Variants in SLC49A4 observed in about 807,000 individuals in gnomAD.
SLC49A4 encodes solute carrier family 49 member 4, also known as disrupted in renal cancer protein 2.
SLC49A4 carries 36 observed loss-of-function variants against 50.6 expected under a neutral mutation model. The ratio of observed to expected loss-of-function variants is 0.71; its 90% confidence interval spans 0.55 to 0.94. The LOEUF (loss-of-function observed/expected upper bound fraction) is 0.94. SLC49A4 is among the 40% of genes least tolerant of loss of function. The pLI is 0.00. For missense variants in SLC49A4, 503 were observed against 605.7 expected, an observed-to-expected ratio of 0.83 and a Z score of 1.78; for synonymous variants, 248 against 241.2, an observed-to-expected ratio of 1.03 and a Z score of -0.26.
intron 5 of SLC49A4, among the ~76,000 whole-genome samples, chr3:122,846,361 G>A (rs1289962467): frequency 6.6e-6 from 1 of 152,020 alleles, no homozygotes; most frequent in Non-Finnish European, 1.5e-5. Context: ...GAGAAATTTT[G>A]AGAGGTAAAT....
At chr3:122,868,190 G>C (rs1436940759) in intron 7 of SLC49A4, among the ~76,000 whole-genome samples, 2 of 152,104 alleles carry the variant, frequency 1.3e-5, no homozygotes, top group Admixed American at 6.6e-5. Flanking sequence ...ACGGGCACAA[G>C]GGTGGGGAGG....
Position 122,872,407 on chromosome 3 carries a change from T to C in SLC49A4, c.1139-8T>C. 4 of 1,600,710 alleles carry C rather than the reference T, an allele frequency of 2.5e-6. No homozygotes were observed. Among genetic ancestry groups the C allele is most frequent in the East Asian group, 2.2e-5 (1 of 44,738 alleles). ...TGTGAAACTAAAATGTTTGTGTTTT[T>C]ATTTTAGTGACATTGTATGCCTCCT... On this transcript the variant is annotated splice_polypyrimidine_tract_variant and splice_region_variant and intron_variant, in intron 7 of 8. Transcript: ENST00000261038.
At chr3:122,816,286 A>G (rs1476049221) in intron 2 of SLC49A4, among the ~76,000 whole-genome samples, 10 of 151,692 alleles carry the variant, frequency 6.6e-5, no homozygotes, top group Non-Finnish European at 1.2e-4. Flanking sequence ...GGGCAGAGAA[A>G]CTCCCTTAGC....
intron 2 of SLC49A4, among the ~76,000 whole-genome samples, chr3:122,821,209 T>A (rs1049244888): frequency 3.3e-5 from 5 of 152,198 alleles, no homozygotes; most frequent in Admixed American, 6.5e-5. Context: ...CTTTATAAAT[T>A]ACTCAGTCTC....
intron 6 of SLC49A4, among the ~76,000 whole-genome samples, chr3:122,857,432 C>G (rs187564291): frequency 3.9e-5 from 6 of 152,066 alleles, no homozygotes; most frequent in African/African-American, 1.4e-4. Context: ...ATTAGGCAAT[C>G]AACTTTACCA....
At chr3:122,869,206 GTC>G (rs1937161690) in intron 7 of SLC49A4, among the ~76,000 whole-genome samples, 1 of 149,438 alleles carries the variant, frequency 6.7e-6, no homozygotes, top group Non-Finnish European at 1.5e-5. Context: ...AGAGTGAAAA[GTC>G]TCTACTCTCC....
At chr3:122,823,972 G>C (rs1936487053) in intron 2 of SLC49A4, among the ~76,000 whole-genome samples, 1 of 152,144 alleles carries the variant, frequency 6.6e-6, no homozygotes, top group African/African-American at 2.4e-5. Flanking sequence ...GCTGAACCCT[G>C]AGGGACGCTA....
rs1417639874 is a variant in SLC49A4 at position 122,795,123 on chromosome 3, A to G, written c.-70A>G. 5.5e-6 allele frequency: 7 copies of G among 1,283,226 alleles called. No individual in the cohort carries two copies. The highest frequency in any genetic ancestry group is 2.9e-5 in the South Asian group (1 of 34,578). 79.5% of individuals were successfully genotyped at this position (1,283,226 alleles called of 1,614,324 possible). On this transcript the variant is annotated 5_prime_UTR_variant, in exon 1 of 9. Transcript: ENST00000261038. ...CCTCCGCCTCCTGCTGCTCAGGACT[A>G]TTCTGCGCTGGGCTAGTCGGCGGTG... is the stretch of plus-strand genomic sequence containing the variant.
chr3:122,818,083 A>C (rs367636971), intron 2 of SLC49A4, among the ~76,000 whole-genome samples: 1 of 152,202 alleles, frequency 6.6e-6, no homozygotes, highest in South Asian at 2.1e-4. Context: ...TAATATTCAC[A>C]TACAAAGATT....
At chr3:122,810,730 A>G (rs764314903) in intron 2 of SLC49A4, among the ~76,000 whole-genome samples, 10 of 152,248 alleles carry the variant, frequency 6.6e-5, no homozygotes, top group Non-Finnish European at 1.2e-4. Flanking sequence ...ACCAACATGT[A>G]TTAAATAGTT....
At chr3:122,878,971 AT>A (rs1011836709) in intron 8 of SLC49A4, among the ~76,000 whole-genome samples, 1 of 152,054 alleles carries the variant, frequency 6.6e-6, no homozygotes, top group Non-Finnish European at 1.5e-5. Flanking sequence ...AAGGTGATTG[AT>A]TTTTTTTCTT....
intron 2 of SLC49A4, among the ~76,000 whole-genome samples, chr3:122,811,181 TC>T (rs1195910657): frequency 3.9e-5 from 6 of 152,302 alleles, no homozygotes; most frequent in African/African-American, 1.4e-4. Flanking sequence ...AATGAGTAAT[TC>T]CTTAGTTCTT....
At position 122,795,156 on chromosome 3, in the gene SLC49A4, C is replaced by T; in HGVS notation, c.-37C>T. On this transcript the variant is annotated 5_prime_UTR_variant, in exon 1 of 9. Coordinates refer to ENST00000261038, the MANE Select transcript of SLC49A4 (RefSeq NM_032839.3). Reference sequence around the variant, plus strand: ...CTGGGCTAGTCGGCGGTGACCCGGACTGCGCCCGGCAGTGGCTTCGCGGGC... The same window carrying T: ...CTGGGCTAGTCGGCGGTGACCCGGATTGCGCCCGGCAGTGGCTTCGCGGGC... 7.6e-7 allele frequency: 1 copy of T among 1,308,482 alleles called. No individual in the cohort carries two copies. The highest frequency in any genetic ancestry group is 1.5e-5 in the African/African-American group (1 of 64,580). The allele number at this position is 1,308,482 out of a possible 1,614,324, so 81.1% of individuals were successfully genotyped here.
chr3:122,835,519 A>C (rs2107569123), intron 4 of SLC49A4, among the ~76,000 whole-genome samples: 1 of 152,310 alleles, frequency 6.6e-6, no homozygotes, highest in Admixed American at 6.5e-5. Flanking sequence ...AAACAGTATG[A>C]TCATAATAGA....
intron 7 of SLC49A4, among the ~76,000 whole-genome samples, chr3:122,868,569 T>A (rs1289057110): frequency 6.6e-6 from 1 of 152,186 alleles, no homozygotes; most frequent in Non-Finnish European, 1.5e-5. Context: ...CAAATGGAAG[T>A]CAAATTCAGA....
intron 4 of SLC49A4, among the ~76,000 whole-genome samples, chr3:122,837,247 A>T (rs1284826856): frequency 2.0e-5 from 3 of 152,114 alleles, no homozygotes; most frequent in African/African-American, 7.2e-5. Flanking sequence ...AGAGCCCGCA[A>T]TGCCCAGTCA....
intron 2 of SLC49A4, among the ~76,000 whole-genome samples, chr3:122,816,226 C>A (rs1258227025): frequency 1.3e-5 from 2 of 152,152 alleles, no homozygotes; most frequent in Non-Finnish European, 2.9e-5. Flanking sequence ...TCAGAAGCAA[C>A]CTGAGGCTTC....
At chr3:122,836,951 C>G (rs1477191132) in intron 4 of SLC49A4, among the ~76,000 whole-genome samples, 3 of 152,172 alleles carry the variant, frequency 2.0e-5, no homozygotes, top group Non-Finnish European at 4.4e-5. Context: ...TGAGTGAACT[C>G]CCATTCACAA....
chr3:122,838,449 C>T (rs1402312026), intron 4 of SLC49A4, among the ~76,000 whole-genome samples: 1 of 150,184 alleles, frequency 6.7e-6, no homozygotes, highest in African/African-American at 2.5e-5. Flanking sequence ...AGCAAACTGT[C>T]ACAAGGACAA....
Sources: allele counts gnomAD v4.1 joint callset (sites outside exome capture counted in the v4.1 genomes callset), GRCh38; gene constraint gnomAD v4.1.1; transcripts MANE v1.5; gene names NCBI Gene and HGNC (gene_info 2026-07-23, HGNC 2026-07-21).